The following CNTN5 variants were observed in gnomAD, a reference collection of about 807,000 sequenced individuals.
CNTN5 encodes the protein contactin 5, also known as contactin-5.
CNTN5 carries 77 observed loss-of-function variants against 129.1 expected under a neutral mutation model. The observed-to-expected ratio is 0.60, with a 90% CI of 0.50 to 0.72. The LOEUF is 0.72. Ranked by LOEUF, CNTN5 falls within the 30% of genes least tolerant of loss-of-function variation. The probability of loss-of-function intolerance (pLI) is 0.00; values close to 1 mark genes in which losing one functional copy is unlikely to be tolerated. For missense variants in CNTN5, 1,478 were observed against 1,328.8 expected (o/e 1.11, Z -1.75); for synonymous variants, 509 against 465.6 (o/e 1.09, Z -1.20).
At chr11:100,288,856 C>A (rs200402826) in intron 18 of CNTN5, among the ~76,000 whole-genome samples, 1 of 150,820 alleles carries the variant, frequency 6.6e-6, no homozygotes, top group African/African-American at 2.4e-5. Flanking sequence ...ATTGATAGAC[C>A]GCTAGCAAGA....
intron 1 of CNTN5, among the ~76,000 whole-genome samples, chr11:99,213,473 T>A (rs977943202): frequency 1.4e-5 from 2 of 142,494 alleles, no homozygotes; most frequent in African/African-American, 5.2e-5. Context: ...TACGTGTGTA[T>A]ATATACACAC....
intron 1 of CNTN5, among the ~76,000 whole-genome samples, chr11:99,253,088 G>A (rs776390170): frequency 2.0e-5 from 3 of 151,774 alleles, no homozygotes; most frequent in Non-Finnish European, 2.9e-5. Context: ...TAATCCCCAC[G>A]ATTCAAGGGC....
chr11:99,223,395 A>G (rs1296681622), intron 1 of CNTN5, among the ~76,000 whole-genome samples: 1 of 152,168 alleles, frequency 6.6e-6, no homozygotes, highest in African/African-American at 2.4e-5. Flanking sequence ...ATTCATTTTG[A>G]ACCAAAATAT....
At chr11:99,432,439 C>CCTTCTCTTTT (rs1555143550) in intron 2 of CNTN5, among the ~76,000 whole-genome samples, 1 of 113,290 alleles carries the variant, frequency 8.8e-6, no homozygotes. Context: ...CCTTTTCTTT[C>CCTTCTCTTTT]CTTTTCTTTT....
intron 9 of CNTN5, among the ~76,000 whole-genome samples, chr11:100,057,672 G>A (rs1238426191): frequency 8.7e-6 from 1 of 115,566 alleles, no homozygotes; most frequent in Non-Finnish European, 1.8e-5. Flanking sequence ...AGAGAACTTA[G>A]GCAAATTTCC....
chr11:99,164,056 A>G (rs1032900496), intron 1 of CNTN5, among the ~76,000 whole-genome samples: 1 of 152,288 alleles, frequency 6.6e-6, no homozygotes, highest in East Asian at 1.9e-4. Context: ...GGCAGGGCGC[A>G]GTGGCTCATG....
intron 2 of CNTN5, among the ~76,000 whole-genome samples, chr11:99,346,670 G>A (rs1504738): frequency 0.099 from 15,014 of 152,232 alleles, 770 homozygotes; most frequent in South Asian, 0.14. Context: ...TTATGTTAAC[G>A]CCCTTATTCC....
At chr11:99,532,059 C>T (rs1226115352) in intron 2 of CNTN5, among the ~76,000 whole-genome samples, 1 of 151,938 alleles carries the variant, frequency 6.6e-6, no homozygotes, top group Non-Finnish European at 1.5e-5. Flanking sequence ...CCCCGTGTGC[C>T]TGGAAAAGCC....
At chr11:99,765,149 A>C (rs1236997834) in intron 3 of CNTN5, among the ~76,000 whole-genome samples, 1 of 152,070 alleles carries the variant, frequency 6.6e-6, no homozygotes, top group Non-Finnish European at 1.5e-5. Flanking sequence ...TTTTTGACCC[A>C]AGAAACTGAG....
chr11:99,300,752 G>A (rs954584742), intron 1 of CNTN5, among the ~76,000 whole-genome samples: 4 of 151,930 alleles, frequency 2.6e-5, no homozygotes, highest in Non-Finnish European at 4.4e-5. Context: ...AGGCTGACAT[G>A]AAACAGCAGT....
chr11:100,109,226 G>C (rs1291032501), intron 13 of CNTN5, among the ~76,000 whole-genome samples: 2 of 152,182 alleles, frequency 1.3e-5, no homozygotes, highest in Non-Finnish European at 1.5e-5. Flanking sequence ...AGGCATTCGA[G>C]ACCAGCCTGG....
chr11:99,417,143 A>T (rs2135036297), intron 2 of CNTN5, among the ~76,000 whole-genome samples: 1 of 152,340 alleles, frequency 6.6e-6, no homozygotes, highest in African/African-American at 2.4e-5. Context: ...AAGTTAAAAA[A>T]ACCCAACTTG....
chr11:100,087,187 C>A (rs1944586493), intron 13 of CNTN5, among the ~76,000 whole-genome samples: 1 of 150,770 alleles, frequency 6.6e-6, no homozygotes, highest in South Asian at 2.1e-4. Flanking sequence ...ATGCCATAAA[C>A]AGATAAAAAG....
At chr11:99,927,886 C>G (rs1450706912) in intron 7 of CNTN5, among the ~76,000 whole-genome samples, 1 of 152,130 alleles carries the variant, frequency 6.6e-6, no homozygotes, top group Non-Finnish European at 1.5e-5. Context: ...ACTCAAAAGT[C>G]CAAGTCAAGT....
intron 3 of CNTN5, among the ~76,000 whole-genome samples, chr11:99,775,146 G>C (rs1145373): frequency 0.66 from 100,505 of 151,868 alleles, 33,385 homozygotes; most frequent in South Asian, 0.7. Flanking sequence ...ACTCTGCCAT[G>C]GGCGTGATGC....
At chr11:100,169,313 G>A (rs1947752598) in intron 13 of CNTN5, among the ~76,000 whole-genome samples, 1 of 151,956 alleles carries the variant, frequency 6.6e-6, no homozygotes, top group African/African-American at 2.4e-5. Context: ...GAAAGGAAGA[G>A]TCCATTGATG....
At chr11:100,075,030 T>C (rs1050701737) in intron 13 of CNTN5, among the ~76,000 whole-genome samples, 1 of 152,140 alleles carries the variant, frequency 6.6e-6, no homozygotes, top group Non-Finnish European at 1.5e-5. Context: ...CAAAATAATA[T>C]TGTACTGTAT....
intron 6 of CNTN5, among the ~76,000 whole-genome samples, chr11:99,882,970 T>C (rs1948810704): frequency 6.6e-6 from 1 of 152,160 alleles, no homozygotes; most frequent in African/African-American, 2.4e-5. Flanking sequence ...GCACATGATG[T>C]TTGTCTTTCT....
At chr11:99,648,441 A>G (rs566178688) in intron 3 of CNTN5, among the ~76,000 whole-genome samples, 1 of 152,046 alleles carries the variant, frequency 6.6e-6, no homozygotes, top group African/African-American at 2.4e-5. Context: ...AGATGTGGAG[A>G]AAAGGGAACT....
Sources: gnomAD v4.1 joint callset for allele counts (sites outside exome capture counted in the v4.1 genomes callset) on GRCh38, gnomAD v4.1.1 for gene constraint, MANE v1.5 for transcripts, NCBI Gene and HGNC (gene_info 2026-07-23, HGNC 2026-07-21) for gene names.